Variants in NFATC2 observed in about 807,000 individuals in gnomAD.
NFATC2 encodes nuclear factor of activated T-cells, cytoplasmic 2.
Under a neutral mutation model 87.3 loss-of-function variants are expected in NFATC2, and 22 were observed. That is an observed-to-expected ratio of 0.25 (90% CI 0.18 to 0.36). The LOEUF (loss-of-function observed/expected upper bound fraction) is 0.36, where lower values mean the gene tolerates loss of function less well. Ranked by LOEUF, NFATC2 falls within the 10% of genes least tolerant of loss-of-function variation. The probability of loss-of-function intolerance (pLI) is 1.00; values close to 1 mark genes in which losing one functional copy is unlikely to be tolerated. For synonymous variants in NFATC2, 565 were observed against 542.2 expected, an observed-to-expected ratio of 1.04 and a Z score of -0.58; for missense variants, 1,149 against 1,259.1, an observed-to-expected ratio of 0.91 and a Z score of 1.32.
At chr20:51,487,980 G>A (rs1989861012) in intron 3 of NFATC2, among the ~76,000 whole-genome samples, 1 of 152,126 alleles carries the variant, frequency 6.6e-6, no homozygotes, top group Non-Finnish European at 1.5e-5. Flanking sequence ...TCGGTGACCT[G>A]GGGAGAGGCG....
intron 10 of NFATC2, among the ~76,000 whole-genome samples, chr20:51,396,002 T>C (rs991316948): frequency 5.1e-5 from 7 of 137,014 alleles, no homozygotes; most frequent in South Asian, 2.5e-4. Context: ...GGGGCCAGGA[T>C]TGACCCAAGA....
At chr20:51,511,121 A>G (rs960437974) in intron 3 of NFATC2, among the ~76,000 whole-genome samples, 2 of 152,208 alleles carry the variant, frequency 1.3e-5, no homozygotes, top group African/African-American at 4.8e-5. Flanking sequence ...CCCACATGTC[A>G]CAGCCTATAG....
intron 1 of NFATC2, among the ~76,000 whole-genome samples, chr20:51,549,162 C>T (rs955535488): frequency 6.6e-6 from 1 of 151,890 alleles, no homozygotes; most frequent in African/African-American, 2.4e-5. Context: ...AGCAAGACCC[C>T]GTCTCCAAAA....
At chr20:51,413,838 C>A (rs553770108) in intron 9 of NFATC2, among the ~76,000 whole-genome samples, 1 of 152,264 alleles carries the variant, frequency 6.6e-6, no homozygotes, top group East Asian at 1.9e-4. Context: ...GCTGTGGGAC[C>A]TTGGACCAGT....
At chr20:51,486,711 TTC>T (rs1486100466) in intron 3 of NFATC2, among the ~76,000 whole-genome samples, 4 of 151,766 alleles carry the variant, frequency 2.6e-5, no homozygotes, top group Non-Finnish European at 5.9e-5. Flanking sequence ...AATAGATTGA[TTC>T]TCAGGTTCCT....
intron 2 of NFATC2, among the ~76,000 whole-genome samples, chr20:51,520,005 G>A (rs73130829): frequency 0.041 from 6,263 of 152,026 alleles, 151 homozygotes; most frequent in Middle Eastern, 0.078. Context: ...TGAGTTGCCT[G>A]TATAAGCTGA....
chr20:51,496,432 C>T (rs117007241), intron 3 of NFATC2, among the ~76,000 whole-genome samples: 7 of 151,956 alleles, frequency 4.6e-5, no homozygotes, highest in Non-Finnish European at 2.9e-5. Context: ...TGCAACCACC[C>T]CCCGCCCCCC....
chr20:51,432,503 C>A lies in NFATC2; in HGVS notation c.2286G>T (p.Leu762=). The part of the protein sequence containing the change: ...YQRSKSLSPS[L]LGYQQPALMA... ...TGAGGGCCGGCTGCTGATAGCCCAG[C>A]AGGCTGGGGCTCAGGCTCTTGCTCC... Residue 762 remains leucine (L), a synonymous_variant, in exon 9 of 11, where the codon CTG becomes CTT. Coordinates refer to ENST00000371564, the MANE Select transcript of NFATC2 (RefSeq NM_012340.5). The surrounding 1 kb of genome is among the most constrained non-coding windows in gnomAD (Gnocchi z 4.6). The A allele has an allele frequency of 6.4e-7, 1 of 1,554,664 alleles. No homozygotes were observed. The highest frequency in any genetic ancestry group is 1.2e-5 in the South Asian group (1 of 81,660).
At chr20:51,517,009 T>C (rs555676133) in intron 2 of NFATC2, 54 bp from the exon 3 acceptor site, 3 of 1,536,654 alleles carry the variant, frequency 2.0e-6, no homozygotes, top group Non-Finnish European at 1.8e-6. Flanking sequence ...ATTAGTCAAC[T>C]TGTACAATAA....
chr20:51,411,887 G>T (rs957021081), intron 9 of NFATC2, among the ~76,000 whole-genome samples: 1 of 152,114 alleles, frequency 6.6e-6, no homozygotes, highest in African/African-American at 2.4e-5. Context: ...CTGCAGATGT[G>T]TTGAGTAGAA....
chr20:51,475,215 C>T (rs573496348), intron 4 of NFATC2, among the ~76,000 whole-genome samples: 4 of 152,068 alleles, frequency 2.6e-5, no homozygotes, highest in African/African-American at 2.4e-5. Context: ...GTGATCCACC[C>T]GCCTCAGCCT....
chr20:51,552,495 C>T (rs112758693), intron 1 of NFATC2, among the ~76,000 whole-genome samples: 1,645 of 152,282 alleles, frequency 0.011, 39 homozygotes, highest in African/African-American at 0.038. Flanking sequence ...TCATCTCCTA[C>T]AGAGTCTTTT....
intron 9 of NFATC2, among the ~76,000 whole-genome samples, chr20:51,412,443 G>A (rs1979386409): frequency 6.6e-6 from 1 of 152,216 alleles, no homozygotes; most frequent in African/African-American, 2.4e-5. Context: ...CTCCACACGG[G>A]CCAGGGGGTG....
Position 51,542,665 on chromosome 20 carries a change from G to C in NFATC2, c.-166C>G. On this transcript the variant is annotated 5_prime_UTR_variant, in exon 1 of 11. Coordinates refer to ENST00000371564, the MANE Select transcript of NFATC2 (RefSeq NM_012340.5). ...CGGCGCGCCTGGCGCAGCGGGTCCT[G>C]GACGCGCCCGGGGAAGCTGAGCGGC... 1 of 1,160,466 alleles carries C rather than the reference G, an allele frequency of 8.6e-7. No individual in the cohort carries two copies. Among genetic ancestry groups the C allele is most frequent in the Non-Finnish European group, 1.1e-6 (1 of 942,328 alleles). 71.9% of individuals were successfully genotyped at this position (1,160,466 alleles called of 1,614,324 possible). A position where few individuals can be genotyped will look rare whatever the true frequency, so the allele number is the denominator to read the frequency against.
At chr20:51,528,552 T>C (rs1261859560) in intron 1 of NFATC2, among the ~76,000 whole-genome samples, 3 of 152,128 alleles carry the variant, frequency 2.0e-5, no homozygotes, top group East Asian at 3.9e-4. Context: ...AGCTGAAGGA[T>C]GCACAGGCTT....
intron 9 of NFATC2, among the ~76,000 whole-genome samples, chr20:51,413,067 G>T (rs1056251824): frequency 2.0e-5 from 3 of 149,538 alleles, no homozygotes; most frequent in African/African-American, 7.4e-5. Flanking sequence ...CAGCTCCCGG[G>T]TTTCACAATC....
rs529391454 is a variant in NFATC2, at chr20:51,440,718, C to T, written c.1850-4957G>A. Among the ~76,000 whole-genome samples, 3 of 152,330 alleles carry T rather than the reference C, an allele frequency of 2.0e-5. No homozygotes were observed. In the East Asian group the frequency reaches 5.8e-4, roughly 29 times the overall value. ...TGTACTTTCTCATGGAAGGTCTGCA[C>T]TCGGTTCTGGACAAACAAGTCCCCA... On this transcript the variant is annotated intron_variant, in intron 6 of 10. Transcript: ENST00000371564.
intron 9 of NFATC2, among the ~76,000 whole-genome samples, chr20:51,405,935 C>T (rs1192499451): frequency 6.6e-6 from 1 of 152,208 alleles, no homozygotes; most frequent in East Asian, 1.9e-4. Context: ...CGCCACCATG[C>T]CCGGCTAAAC....
At chr20:51,511,218 G>A (rs2146670973) in intron 3 of NFATC2, among the ~76,000 whole-genome samples, 1 of 152,308 alleles carries the variant, frequency 6.6e-6, no homozygotes, top group South Asian at 2.1e-4. Flanking sequence ...CCTGACATTT[G>A]GTCAGTTCAG....
Sources: gnomAD v4.1 joint callset for allele counts (sites outside exome capture counted in the v4.1 genomes callset) on GRCh38, gnomAD v4.1.1 for gene constraint, Gnocchi (gnomAD v3.1) non-coding constraint, MANE v1.5 for transcripts, NCBI Gene and HGNC (gene_info 2026-07-23, HGNC 2026-07-21) for gene names.